The following SLC45A2 variants were observed in gnomAD, a reference collection of about 807,000 sequenced individuals.
SLC45A2 encodes membrane-associated transporter protein.
A neutral mutation model predicts 45.5 loss-of-function variants in SLC45A2; 36 were observed. The ratio of observed to expected loss-of-function variants is 0.79; its 90% CI spans 0.61 to 1.04. The LOEUF is 1.04. Ranked by LOEUF, SLC45A2 falls within the 50% of genes least tolerant of loss-of-function variation. SLC45A2 has a pLI of 0.00. For missense variants in SLC45A2, 719 were observed against 671.0 expected, an observed-to-expected ratio of 1.07 and a Z score of -0.79; for synonymous variants, 306 against 269.3, an observed-to-expected ratio of 1.14 and a Z score of -1.33.
chr5:33,967,965 T>TA (rs34859752), intron 2 of SLC45A2, among the ~76,000 whole-genome samples: 9,563 of 133,210 alleles, frequency 0.072, 1,002 homozygotes, highest in East Asian at 0.4. Context: ...GGGAAGGGGG[T>TA]AAAAAAAAAA....
In SLC45A2 at chr5:33,958,755, G is replaced by T. The variant is rs529947737; in HGVS notation, c.889-4251C>A. On this transcript the variant is annotated intron_variant, in intron 3 of 6. Transcript: ENST00000296589. ...TTTTTCATGTGGCCCCTACTAGAAAGTTCGTTGTATCTGTTGTATTTATTT... is the reference window on the plus strand; with the variant it reads ...TTTTTCATGTGGCCCCTACTAGAAATTTCGTTGTATCTGTTGTATTTATTT... Among the ~76,000 whole-genome samples the T allele has an allele frequency of 2.6e-5, 4 of 152,264 alleles. No individual in the cohort carries two copies. The East Asian group carries it at 7.7e-4, about 29-fold the overall frequency.
chr5:33,947,271 A>T lies in SLC45A2; in HGVS notation c.1260T>A (p.Asn420Lys). The T allele has an allele frequency of 1.2e-6, 2 of 1,614,242 alleles. No homozygotes were observed. Among genetic ancestry groups the T allele is most frequent in the Non-Finnish European group, 1.7e-6 (2 of 1,180,048 alleles). The stretch of plus-strand genomic sequence containing the variant: ...TGCACAGGACCAGGGTGGAGTAGAC[A>T]TTCGGGAAGAGCCCAATAAATCCCG... ...LGTGFIGLFP[N>K]VYSTLVLCSL... The change falls in exon 6 of 7, where the codon AAT becomes AAA. Residue 420 changes from asparagine to lysine, a missense_variant. By Grantham distance (94) the Asn-to-Lys change is moderately conservative. Coordinates refer to ENST00000296589, the MANE Select transcript of SLC45A2 (RefSeq NM_016180.5).
chr5:33,965,977 G>T (rs1393110952), intron 2 of SLC45A2, among the ~76,000 whole-genome samples: 1 of 152,080 alleles, frequency 6.6e-6, no homozygotes. Flanking sequence ...AACAGATCAA[G>T]GGTTTTCACA....
rs774993037 is a variant in SLC45A2 at position 33,947,375 on chromosome 5, C to G, written c.1157-1G>C. 6.2e-7 allele frequency: 1 copy of G among 1,613,968 alleles called. No individual in the cohort carries two copies. Among genetic ancestry groups the G allele is most frequent in the Non-Finnish European group, 8.5e-7 (1 of 1,179,806 alleles). On this transcript the variant is annotated splice_acceptor_variant, in intron 5 of 6. Coordinates refer to ENST00000296589, the MANE Select transcript of SLC45A2 (RefSeq NM_016180.5). LOFTEE classifies it high-confidence loss of function. Reference sequence around the variant, plus strand: ...TAGGATACCAAAACTTTCTGAAAGTCTGTGGGAAGAAGAGAGGGAGAAATT... The same window carrying G: ...TAGGATACCAAAACTTTCTGAAAGTGTGTGGGAAGAAGAGAGGGAGAAATT...
intron 1 of SLC45A2, 34 bp from the exon 2 acceptor site, chr5:33,982,446 C>T (rs1253462062): frequency 1.9e-6 from 3 of 1,603,346 alleles, no homozygotes; most frequent in Non-Finnish European, 2.6e-6. Context: ...CTCCTAAATC[C>T]TGTTTTAGAA....
chr5:33,982,192 T>G lies in SLC45A2; in HGVS notation c.562+44A>C. On this transcript the variant is annotated intron_variant, in intron 2 of 6. Coordinates refer to ENST00000296589, the MANE Select transcript of SLC45A2 (RefSeq NM_016180.5). Reference sequence around the variant, plus strand: ...GGATGGCTTTAGTGGAAGTGCCTCATTGTCTGGGGAGCTGAAGGAGAGACT... The same window carrying G: ...GGATGGCTTTAGTGGAAGTGCCTCAGTGTCTGGGGAGCTGAAGGAGAGACT... 6.2e-6 allele frequency: 10 copies of G among 1,608,896 alleles called. No individual in the cohort carries two copies. In the South Asian group the frequency reaches 8.8e-5, roughly 14 times the overall value.
At chr5:33,947,042 G>T in intron 6 of SLC45A2, 121 bp downstream of exon 6, 1 of 1,607,736 alleles carries the variant, frequency 6.2e-7, no homozygotes, top group South Asian at 1.1e-5. Context: ...TTGGGCATTT[G>T]ACTGTTGCTG....
At chr5:33,963,217 A>G (rs377737349) in intron 3 of SLC45A2, among the ~76,000 whole-genome samples, 2 of 152,186 alleles carry the variant, frequency 1.3e-5, no homozygotes, top group East Asian at 3.8e-4. Flanking sequence ...TTTTATTTCA[A>G]ATTTTAAGCT....
intron 4 of SLC45A2, 114 bp downstream of exon 4, chr5:33,954,247 C>T: frequency 5.5e-6 from 8 of 1,459,470 alleles, no homozygotes; most frequent in Non-Finnish European, 7.6e-6. Context: ...TGATGGTACC[C>T]TTTCCTACAT....
chr5:33,970,735 C>A, intron 2 of SLC45A2: 1 of 191,272 alleles, frequency 5.2e-6, no homozygotes, highest in Admixed American at 5.7e-5. Flanking sequence ...GAGCACCTTC[C>A]ATATTCCAAG....
intron 2 of SLC45A2, among the ~76,000 whole-genome samples, chr5:33,969,596 C>G (rs3756463): frequency 0.037 from 5,563 of 152,230 alleles, 238 homozygotes; most frequent in South Asian, 0.22. Context: ...TCCGAAAGCC[C>G]TTAGGCTGCG....
chr5:33,982,525 T>C, intron 1 of SLC45A2, 113 bp from the exon 2 acceptor site: 1 of 1,091,984 alleles, frequency 9.2e-7, no homozygotes, highest in Non-Finnish European at 1.3e-6. Context: ...TTTATTTTGC[T>C]TTTTTCCAAA....
At chr5:33,967,723 C>T (rs1031726119) in intron 2 of SLC45A2, among the ~76,000 whole-genome samples, 5 of 151,310 alleles carry the variant, frequency 3.3e-5, no homozygotes, top group Admixed American at 6.6e-5. Flanking sequence ...CTTTTATAAC[C>T]CCTTGTCTTG....
chr5:33,949,298 G>C (rs1752028866), intron 5 of SLC45A2, among the ~76,000 whole-genome samples: 1 of 152,320 alleles, frequency 6.6e-6, no homozygotes, highest in South Asian at 2.1e-4. Flanking sequence ...GGAAGGAAAG[G>C]AAAGGATTGA....
At chr5:33,966,823 A>G (rs1223309217) in intron 2 of SLC45A2, among the ~76,000 whole-genome samples, 1 of 152,218 alleles carries the variant, frequency 6.6e-6, no homozygotes, top group Non-Finnish European at 1.5e-5. Context: ...AGATTTGAAG[A>G]GTTAGATCAG....
intron 2 of SLC45A2, among the ~76,000 whole-genome samples, chr5:33,968,070 A>G (rs1011235801): frequency 6.6e-6 from 1 of 152,200 alleles, no homozygotes; most frequent in African/African-American, 2.4e-5. Context: ...CCAGGAAAGC[A>G]AAGTGGGCCA....
chr5:33,984,040 A>G (rs188373164), intron 1 of SLC45A2, among the ~76,000 whole-genome samples, 159 bp downstream of exon 1: 5 of 152,336 alleles, frequency 3.3e-5, no homozygotes, highest in African/African-American at 4.8e-5. Context: ...CAACCACAGA[A>G]TCTGGGCCAA....
chr5:33,969,044 ACT>A (rs11272324), intron 2 of SLC45A2, among the ~76,000 whole-genome samples: 4 of 90,388 alleles, frequency 4.4e-5, no homozygotes, highest in African/African-American at 8.3e-5. Flanking sequence ...AGTACCAGCT[ACT>A]CTCTCTCTCT....
intron 5 of SLC45A2, 126 bp from the exon 6 acceptor site, chr5:33,947,500 A>G (rs1751973503): frequency 2.2e-6 from 2 of 916,576 alleles, no homozygotes; most frequent in Non-Finnish European, 3.4e-6. Flanking sequence ...CAGGAACAAA[A>G]GAATCCCCTT....
Sources: allele counts gnomAD v4.1 joint callset (sites outside exome capture counted in the v4.1 genomes callset), GRCh38; gene constraint gnomAD v4.1.1; transcripts MANE v1.5; gene names NCBI Gene and HGNC (gene_info 2026-07-23, HGNC 2026-07-21).